The following DLC1 variants were observed in gnomAD, a reference collection of about 807,000 sequenced individuals.
The protein encoded by DLC1 is DLC1 Rho GTPase activating protein.
A neutral mutation model predicts 140.3 loss-of-function variants in DLC1; 54 were observed. That is an observed-to-expected ratio of 0.38 (90% CI 0.31 to 0.48). The LOEUF is 0.48. Among genes scored for constraint, DLC1 ranks in the 20% least tolerant of loss-of-function variants. DLC1 has a pLI of 0.96. For synonymous variants in DLC1, 986 were observed against 728.1 expected (o/e 1.35, Z -5.70); for missense variants, 2,536 against 1,907.0 (o/e 1.33, Z -6.14).
intron 13 of DLC1, 22 bp downstream of exon 13, chr8:13,092,590 G>GCAC: frequency 6.2e-7 from 1 of 1,610,808 alleles, no homozygotes; most frequent in Non-Finnish European, 8.5e-7. Context: ...CTGTGTGCAT[G>GCAC]CACCTCCCAT....
At chr8:13,442,662 C>T (rs982402323) in intron 2 of DLC1, among the ~76,000 whole-genome samples, 1 of 152,218 alleles carries the variant, frequency 6.6e-6, no homozygotes, top group Non-Finnish European at 1.5e-5. Context: ...GAGATACCAT[C>T]TCACACCAGT....
At chr8:13,338,287 G>C (rs1586161336) in intron 4 of DLC1, among the ~76,000 whole-genome samples, 1 of 152,092 alleles carries the variant, frequency 6.6e-6, no homozygotes, top group South Asian at 2.1e-4. Context: ...AAATAAATTA[G>C]AGTCACAAAG....
intron 5 of DLC1, among the ~76,000 whole-genome samples, chr8:13,235,752 C>T (rs916280392): frequency 8.6e-5 from 13 of 151,922 alleles, no homozygotes; most frequent in Admixed American, 6.6e-5. Flanking sequence ...TGTTCACTCA[C>T]AAGACCACAG....
chr8:13,135,708 T>A (rs1822520291), intron 5 of DLC1, among the ~76,000 whole-genome samples: 1 of 152,220 alleles, frequency 6.6e-6, no homozygotes, highest in Admixed American at 6.5e-5. Context: ...TGTTTGCTGG[T>A]TAAAGTTGTA....
rs1158169289 is a variant in DLC1, at chr8:13,486,854, T to C, written c.1023+12195A>G. 2.0e-5 allele frequency among the ~76,000 whole-genome samples: 3 copies of C among 152,168 alleles called. No individual in the cohort carries two copies. The East Asian group carries it at 5.8e-4, about 29-fold the overall frequency. ...GCAAGGGATGTCCTTGATGAATGGA[T>C]TGGAAGTTAAAGTCCCAACTACACA... is the stretch of plus-strand genomic sequence containing the variant. On this transcript the variant is annotated intron_variant, in intron 2 of 17. Transcript: ENST00000276297.
In DLC1 at chr8:13,500,045, G is replaced by T. The variant is rs764783683; in HGVS notation, c.27C>A (p.Ser9Arg). The change falls in exon 2 of 18, where the codon AGC becomes AGA. Residue 9 changes from serine (S) to arginine (R), a missense_variant. Ser to Arg is a moderately radical substitution (Grantham distance 110, BLOSUM62 -1). Coordinates refer to ENST00000276297, the MANE Select transcript of DLC1 (RefSeq NM_182643.3). ...TCCAGTGGGTCACATGTTCTTCCCA[G>T]CTTCTCTTTCTGATAGCTACAGACA... MSVAIRKR[S>R]WEEHVTHWMG... 2 of 1,613,732 alleles carry T rather than the reference G, an allele frequency of 1.2e-6. No homozygotes were observed. Among genetic ancestry groups the T allele is most frequent in the African/African-American group, 1.3e-5 (1 of 74,914 alleles).
chr8:13,183,174 A>C (rs1163070827), intron 5 of DLC1, among the ~76,000 whole-genome samples: 1 of 152,202 alleles, frequency 6.6e-6, no homozygotes, highest in Admixed American at 6.5e-5. Context: ...TTGTATCCTG[A>C]GACTTTGCTG....
intron 5 of DLC1, among the ~76,000 whole-genome samples, chr8:13,148,493 T>C (rs1199351210): frequency 2.0e-5 from 3 of 152,216 alleles, no homozygotes; most frequent in Non-Finnish European, 4.4e-5. Context: ...TAGTATTCCA[T>C]GGAGCACACA....
chr8:13,294,663 G>A (rs1831879628), intron 5 of DLC1, among the ~76,000 whole-genome samples: 1 of 152,074 alleles, frequency 6.6e-6, no homozygotes, highest in Non-Finnish European at 1.5e-5. Flanking sequence ...GAAAATTAGG[G>A]TGAAAAGGAA....
Position 13,099,961 on chromosome 8 carries a change from C to T in DLC1, c.2376G>A (p.Glu792=), listed in dbSNP as rs775883762. The T allele has an allele frequency of 3.1e-6, 5 of 1,613,128 alleles. No homozygotes were observed. Among genetic ancestry groups the T allele is most frequent in the Non-Finnish European group, 4.2e-6 (5 of 1,180,040 alleles). ...FNQSTFNNVV[E]QNFKNRESYP... ...AGCTCTCGCGGTTCTTAAAGTTCTG[C>T]TCCACCACGTTGTTAAATGTTGACT... The change falls in exon 9 of 18, where the codon GAG becomes GAA. Residue 792 remains glutamate (E), a synonymous_variant. Coordinates refer to ENST00000276297, the MANE Select transcript of DLC1 (RefSeq NM_182643.3).
intron 5 of DLC1, among the ~76,000 whole-genome samples, chr8:13,132,169 C>A (rs757803945): frequency 6.6e-6 from 1 of 151,504 alleles, no homozygotes; most frequent in Non-Finnish European, 1.5e-5. Flanking sequence ...TTCAGGGACA[C>A]GATTCAGCGA....
chr8:13,195,593 AAGG>A, intron 5 of DLC1, among the ~76,000 whole-genome samples: 1 of 152,350 alleles, frequency 6.6e-6, no homozygotes, highest in East Asian at 1.9e-4. Context: ...TTCTGTGAAG[AAGG>A]AGAACTAAAT....
chr8:13,360,626 C>T (rs1170917380), intron 4 of DLC1, among the ~76,000 whole-genome samples: 1 of 152,122 alleles, frequency 6.6e-6, no homozygotes, highest in African/African-American at 2.4e-5. Flanking sequence ...CACTGAGAAT[C>T]AGCAAGGAAA....
At chr8:13,419,816 G>C (rs910947384) in intron 2 of DLC1, among the ~76,000 whole-genome samples, 6 of 152,210 alleles carry the variant, frequency 3.9e-5, no homozygotes, top group Non-Finnish European at 7.3e-5. Flanking sequence ...ACCTCTGGTA[G>C]AATTCGGCTG....
chr8:13,099,251 C>A, intron 9 of DLC1, 96 bp downstream of exon 9: 1 of 1,507,094 alleles, frequency 6.6e-7, no homozygotes, highest in African/African-American at 1.4e-5. Flanking sequence ...GCTAAGAATG[C>A]CAGACTTAAT....
chr8:13,531,260 A>G (rs931675432), intron 1 of DLC1, among the ~76,000 whole-genome samples: 1 of 152,198 alleles, frequency 6.6e-6, no homozygotes, highest in Non-Finnish European at 1.5e-5. Context: ...AGGCTACTAC[A>G]GCATTTTACA....
chr8:13,512,425 T>A (rs574502826), intron 1 of DLC1, among the ~76,000 whole-genome samples: 2 of 152,198 alleles, frequency 1.3e-5, no homozygotes, highest in Non-Finnish European at 2.9e-5. Context: ...TATACCACGT[T>A]GTTCAGACAT....
intron 2 of DLC1, among the ~76,000 whole-genome samples, chr8:13,488,406 A>G (rs1801069476): frequency 6.6e-6 from 1 of 152,212 alleles, no homozygotes; most frequent in South Asian, 2.1e-4. Context: ...AGCCAGCATC[A>G]TTTTCAGGAC....
At chr8:13,375,072 G>A (rs1219747576) in intron 4 of DLC1, among the ~76,000 whole-genome samples, 2 of 145,196 alleles carry the variant, frequency 1.4e-5, no homozygotes, top group African/African-American at 5.2e-5. Flanking sequence ...CTGTCGCCCA[G>A]GCTGGAGTGC....
Sources: gnomAD v4.1 joint callset for allele counts (sites outside exome capture counted in the v4.1 genomes callset) on GRCh38, gnomAD v4.1.1 for gene constraint, MANE v1.5 for transcripts, NCBI Gene and HGNC (gene_info 2026-07-23, HGNC 2026-07-21) for gene names.